Variants in LRP1B observed in about 807,000 individuals in gnomAD.
LRP1B encodes the protein LDL receptor related protein 1B.
In LRP1B, 217 loss-of-function variants were observed where a neutral mutation model predicts 556.6. That is an observed-to-expected ratio of 0.39 (90% confidence interval 0.35 to 0.44). LRP1B has a LOEUF of 0.44. Among genes scored for constraint, LRP1B ranks in the 20% least tolerant of loss-of-function variants. LRP1B has a pLI of 1.00. For missense variants in LRP1B, 5,053 were observed against 5,620.8 expected (o/e 0.90, Z 3.23); for synonymous variants, 2,047 against 1,865.8 (o/e 1.10, Z -2.50).
intron 1 of LRP1B, among the ~76,000 whole-genome samples, chr2:142,025,354 T>C (rs1703469056): frequency 6.6e-6 from 1 of 152,186 alleles, no homozygotes; most frequent in Admixed American, 6.5e-5. Flanking sequence ...CCGAAAACAC[T>C]TTCAAGTCAG....
At chr2:141,472,157 C>T (rs544268936) in intron 3 of LRP1B, among the ~76,000 whole-genome samples, 1 of 152,244 alleles carries the variant, frequency 6.6e-6, no homozygotes, top group African/African-American at 2.4e-5. Flanking sequence ...CATATCAAAG[C>T]AGTTGCTATT....
intron 18 of LRP1B, among the ~76,000 whole-genome samples, chr2:140,964,536 G>T (rs1018583281): frequency 6.6e-6 from 1 of 151,660 alleles, no homozygotes; most frequent in Non-Finnish European, 1.5e-5. Context: ...CTAGACCAAG[G>T]AGCCCTCTGG....
chr2:141,992,616 T>C (rs1403918952), intron 1 of LRP1B, among the ~76,000 whole-genome samples: 2 of 152,132 alleles, frequency 1.3e-5, no homozygotes, highest in African/African-American at 4.8e-5. Context: ...CATATGAACT[T>C]GTGCCATTTG....
chr2:142,125,708 T>TTG (rs1707620381), intron 1 of LRP1B, among the ~76,000 whole-genome samples: 1 of 151,860 alleles, frequency 6.6e-6, no homozygotes, highest in African/African-American at 2.4e-5. Context: ...AGACAATGGT[T>TTG]TGTGACACAG....
chr2:141,770,553 G>T lies in LRP1B; in HGVS notation c.205+39726C>A, dbSNP rs540044174. Among the ~76,000 whole-genome samples, 255 of 152,310 alleles carry T rather than the reference G, an allele frequency of 1.7e-3. 2 individuals carry two copies. Among genetic ancestry groups the T allele is most frequent in the African/African-American group, 5.9e-3 (245 of 41,574 alleles). ...CTGCCACAGCTATAAATATAGAGAA[G>T]CGTTCTCTTTTTTATTGCCAGAAAT... On this transcript the variant is annotated intron_variant, in intron 2 of 90. Transcript: ENST00000389484.
chr2:140,313,953 T>C (rs987283229), intron 83 of LRP1B, among the ~76,000 whole-genome samples: 2 of 151,920 alleles, frequency 1.3e-5, no homozygotes, highest in Admixed American at 1.3e-4. Context: ...GACATAAAAT[T>C]ATCTAACTTT....
chr2:141,058,242 A>C (rs1208921601), intron 9 of LRP1B, among the ~76,000 whole-genome samples: 1 of 151,888 alleles, frequency 6.6e-6, no homozygotes, highest in East Asian at 1.9e-4. Context: ...ATATATGTTA[A>C]TGCTTAGATA....
At chr2:141,158,397 G>T (rs1010912659) in intron 7 of LRP1B, among the ~76,000 whole-genome samples, 2 of 152,100 alleles carry the variant, frequency 1.3e-5, no homozygotes, top group African/African-American at 4.8e-5. Context: ...TTTTTTAAGT[G>T]CATAGAAAAG....
chr2:140,731,695 G>A (rs1345646866), intron 35 of LRP1B, among the ~76,000 whole-genome samples: 1 of 145,088 alleles, frequency 6.9e-6, no homozygotes, highest in Non-Finnish European at 1.5e-5. Context: ...TTGAACCCGG[G>A]AGACGGAGCT....
At chr2:141,100,111 C>T (rs1700421506) in intron 7 of LRP1B, among the ~76,000 whole-genome samples, 2 of 152,004 alleles carry the variant, frequency 1.3e-5, no homozygotes, top group South Asian at 2.1e-4. Flanking sequence ...TGCTGAACTC[C>T]CCAAAATGAA....
At chr2:141,529,219 G>A (rs1346964750) in intron 2 of LRP1B, among the ~76,000 whole-genome samples, 1 of 152,160 alleles carries the variant, frequency 6.6e-6, no homozygotes, top group African/African-American at 2.4e-5. Context: ...CTCTGGTTTT[G>A]TGATTAGTCT....
At chr2:140,801,464 C>A (rs1377973090) in intron 32 of LRP1B, among the ~76,000 whole-genome samples, 3 of 152,004 alleles carry the variant, frequency 2.0e-5, no homozygotes, top group Non-Finnish European at 4.4e-5. Context: ...TAGAGGAGAA[C>A]AAAATGAGAG....
chr2:141,109,896 C>G (rs1700705393), intron 7 of LRP1B, among the ~76,000 whole-genome samples: 1 of 152,142 alleles, frequency 6.6e-6, no homozygotes, highest in Non-Finnish European at 1.5e-5. Context: ...TTGCTCAAGG[C>G]TTATCTGGTA....
chr2:140,573,684 C>T (rs1388876744), intron 43 of LRP1B, among the ~76,000 whole-genome samples: 2 of 151,850 alleles, frequency 1.3e-5, no homozygotes, highest in African/African-American at 4.8e-5. Context: ...TTTAAGAAAA[C>T]AAAATTGACA....
intron 2 of LRP1B, among the ~76,000 whole-genome samples, chr2:141,692,046 C>A (rs1361311915): frequency 1.3e-5 from 2 of 151,946 alleles, no homozygotes; most frequent in Non-Finnish European, 2.9e-5. Flanking sequence ...TCCTGTCAAC[C>A]AGCACATTGT....
intron 27 of LRP1B, among the ~76,000 whole-genome samples, chr2:140,856,738 T>TACACACACACACAC (rs57220779): frequency 5.4e-5 from 8 of 148,358 alleles, no homozygotes; most frequent in African/African-American, 1.8e-4. Context: ...CTAAGAGAGA[T>TACACACACACACAC]ACACACACAC....
intron 1 of LRP1B, among the ~76,000 whole-genome samples, chr2:142,108,438 A>T (rs1264979306): frequency 1.3e-5 from 2 of 152,218 alleles, no homozygotes; most frequent in African/African-American, 4.8e-5. Context: ...CAATAAAAAA[A>T]CCACTAAGGC....
rs959288767 is a variant in LRP1B, at chr2:140,506,848, A to G, written c.8469T>C (p.Val2823=). ...CTCCACAGTCGTCATCATGGTCACA[A>G]ACAAATTGCTTGGGAATGCATACTT... ...HNKVCIPKQF[V]CDHDDDCGDG... is the part of the protein sequence containing the mutation. Residue 2823 remains valine, a synonymous_variant, in exon 53 of 91, where the codon GTT becomes GTC. Transcript: ENST00000389484. 5 of 1,613,978 alleles carry G rather than the reference A, an allele frequency of 3.1e-6. No homozygotes were observed. Among genetic ancestry groups the G allele is most frequent in the African/African-American group, 2.7e-5 (2 of 74,936 alleles).
intron 6 of LRP1B, among the ~76,000 whole-genome samples, chr2:141,221,918 A>C (rs1462696451): frequency 6.6e-6 from 1 of 152,216 alleles, no homozygotes; most frequent in Non-Finnish European, 1.5e-5. Flanking sequence ...TCTGGGATGC[A>C]GCTAAAGCAG....
Sources: gnomAD v4.1 joint callset for allele counts (sites outside exome capture counted in the v4.1 genomes callset) on GRCh38, gnomAD v4.1.1 for gene constraint, MANE v1.5 for transcripts, NCBI Gene and HGNC (gene_info 2026-07-23, HGNC 2026-07-21) for gene names.